CBFA2T2: variants seen among roughly 807,000 people sequenced by gnomAD.
CBFA2T2 encodes CBFA2/RUNX1 partner transcriptional co-repressor 2.
In CBFA2T2, 11 loss-of-function variants were observed where a neutral mutation model predicts 62.2. The observed-to-expected ratio is 0.18, with a 90% CI of 0.11 to 0.29. The LOEUF is 0.29. Ranked by LOEUF, CBFA2T2 falls within the 10% of genes least tolerant of loss-of-function variation. The pLI is 1.00. For synonymous variants in CBFA2T2, 295 were observed against 287.5 expected, an observed-to-expected ratio of 1.03 and a Z score of -0.27; for missense variants, 592 against 774.1, an observed-to-expected ratio of 0.76 and a Z score of 2.79.
At chr20:33,603,374 A>G (rs1292406032) in intron 1 of CBFA2T2, among the ~76,000 whole-genome samples, 1 of 152,122 alleles carries the variant, frequency 6.6e-6, no homozygotes, top group Non-Finnish European at 1.5e-5. Context: ...TTCCATTTTG[A>G]CTCATCAAGT....
chr20:33,562,990 G>A lies in CBFA2T2; in HGVS notation c.35-43966G>A, dbSNP rs185435065. On this transcript the variant is annotated intron_variant, in intron 1 of 10. Transcript: ENST00000342704. ...AAGGTTTTCCACGTTGGATTGTTCT[G>A]TGATGTTTAGAGGGAATTTTTTTCC... is the stretch of plus-strand genomic sequence containing the variant. Among the ~76,000 whole-genome samples, 277 of 152,276 alleles carry A rather than the reference G, an allele frequency of 1.8e-3. 1 individual carries two copies. Among genetic ancestry groups the A allele is most frequent in the African/African-American group, 6.4e-3 (265 of 41,562 alleles).
chr20:33,569,892 G>A (rs1281253285), intron 1 of CBFA2T2, among the ~76,000 whole-genome samples: 2 of 152,012 alleles, frequency 1.3e-5, no homozygotes, highest in African/African-American at 4.8e-5. Context: ...TATTTATTTT[G>A]GAGTTTAAAA....
intron 1 of CBFA2T2, among the ~76,000 whole-genome samples, chr20:33,588,113 A>G (rs1310869803): frequency 2.0e-5 from 3 of 152,234 alleles, no homozygotes; most frequent in Admixed American, 1.3e-4. Context: ...AAAGCTGTAC[A>G]TATTTAACAT....
intron 1 of CBFA2T2, among the ~76,000 whole-genome samples, chr20:33,576,487 G>A (rs2013832075): frequency 6.6e-6 from 1 of 152,134 alleles, no homozygotes; most frequent in Non-Finnish European, 1.5e-5. Context: ...AGCCCCTCAG[G>A]GATAGGAAAT....
At chr20:33,635,161 G>A (rs1020909201) in intron 8 of CBFA2T2, among the ~76,000 whole-genome samples, 28 of 152,278 alleles carry the variant, frequency 1.8e-4, no homozygotes, top group African/African-American at 5.3e-4. Flanking sequence ...AGACTTAGTC[G>A]TTTAGCATCA....
intron 1 of CBFA2T2, among the ~76,000 whole-genome samples, chr20:33,507,519 C>T (rs1332448013): frequency 2.6e-5 from 4 of 152,142 alleles, no homozygotes; most frequent in East Asian, 1.9e-4. Context: ...ACATTTGAAA[C>T]GAACAAAGAA....
At chr20:33,616,472 A>T (rs1001852587) in intron 3 of CBFA2T2, among the ~76,000 whole-genome samples, 6 of 152,318 alleles carry the variant, frequency 3.9e-5, no homozygotes, top group Middle Eastern at 3.4e-3. Flanking sequence ...TAGTTTTGAG[A>T]TTGTAACCCT....
intron 1 of CBFA2T2, among the ~76,000 whole-genome samples, chr20:33,526,213 A>T (rs1418831396): frequency 6.6e-6 from 1 of 152,226 alleles, no homozygotes; most frequent in African/African-American, 2.4e-5. Context: ...TAAGGTGTTA[A>T]CACTATATAA....
intron 1 of CBFA2T2, among the ~76,000 whole-genome samples, chr20:33,520,995 C>T (rs1241899613): frequency 6.7e-6 from 1 of 149,800 alleles, no homozygotes; most frequent in Non-Finnish European, 1.5e-5. Flanking sequence ...CACACACACA[C>T]ACACAATTTT....
intron 1 of CBFA2T2, among the ~76,000 whole-genome samples, chr20:33,535,614 TTATTTTTTC>T (rs2012187461): frequency 6.8e-6 from 1 of 146,354 alleles, no homozygotes; most frequent in African/African-American, 2.6e-5. Context: ...TTTTATTTTT[TTATTTTTTC>T]TTTTTTTTTT....
intron 8 of CBFA2T2, among the ~76,000 whole-genome samples, chr20:33,631,207 G>A (rs1405960132): frequency 6.6e-6 from 1 of 152,178 alleles, no homozygotes; most frequent in Non-Finnish European, 1.5e-5. Flanking sequence ...CCAGCTACTG[G>A]GGAGGTTGAG....
At position 33,640,729 on chromosome 20, in the gene CBFA2T2, G is replaced by T. The variant is rs183479470; in HGVS notation, c.1488+198G>T. On this transcript the variant is annotated intron_variant, in intron 10 of 10. Coordinates refer to ENST00000342704, the MANE Select transcript of CBFA2T2 (RefSeq NM_001032999.3). ...TGCCAAGATAGTGAATTATTACATTGTATTTTTACATACATACATATATAT... is the reference window on the plus strand; with the variant it reads ...TGCCAAGATAGTGAATTATTACATTTTATTTTTACATACATACATATATAT... 2.8e-3 allele frequency among the ~76,000 whole-genome samples: 423 copies of T among 152,080 alleles called. 1 individual carries two copies. Among genetic ancestry groups the T allele is most frequent in the African/African-American group, 9.9e-3 (409 of 41,464 alleles).
chr20:33,493,112 G>A (rs190727316), intron 1 of CBFA2T2, among the ~76,000 whole-genome samples: 1 of 104,472 alleles, frequency 9.6e-6, no homozygotes, highest in African/African-American at 3.8e-5. Context: ...TTTCACTCTT[G>A]TTGCTCAGGC....
intron 1 of CBFA2T2, among the ~76,000 whole-genome samples, chr20:33,590,997 A>T (rs2014591253): frequency 6.6e-6 from 1 of 151,860 alleles, no homozygotes; most frequent in African/African-American, 2.4e-5. Context: ...CAACATGGTG[A>T]AACCCCATCT....
At chr20:33,545,965 G>A in intron 1 of CBFA2T2, among the ~76,000 whole-genome samples, 1 of 152,208 alleles carries the variant, frequency 6.6e-6, no homozygotes, top group East Asian at 1.9e-4. Context: ...TCATGTGCCA[G>A]TTTAAATAAT....
rs545476777 is a variant in CBFA2T2 at position 33,583,225 on chromosome 20, T to C, written c.35-23731T>C. ...ATTAGATTGTGTTACCATCTAACTA[T>C]CCTTTGTACAAGAACACTATTGTAT... On this transcript the variant is annotated intron_variant, in intron 1 of 10. Transcript: ENST00000342704. Among the ~76,000 whole-genome samples, 22 of 152,374 alleles carry C rather than the reference T, an allele frequency of 1.4e-4. No individual in the cohort carries two copies. The South Asian group carries it at 4.6e-3, about 32-fold the overall frequency.
intron 1 of CBFA2T2, among the ~76,000 whole-genome samples, chr20:33,577,141 T>C (rs1025179993): frequency 6.6e-6 from 1 of 152,254 alleles, no homozygotes; most frequent in East Asian, 1.9e-4. Context: ...CCTGGTTATC[T>C]TTCAGAGTGT....
At chr20:33,500,382 A>G (rs907248333) in intron 1 of CBFA2T2, among the ~76,000 whole-genome samples, 2 of 151,958 alleles carry the variant, frequency 1.3e-5, no homozygotes, top group Admixed American at 6.6e-5. Flanking sequence ...TCTTTCTTCA[A>G]CTTTCTTTCC....
chr20:33,500,311 G>A (rs1682807862), intron 1 of CBFA2T2, among the ~76,000 whole-genome samples: 1 of 151,848 alleles, frequency 6.6e-6, no homozygotes, highest in Non-Finnish European at 1.5e-5. Flanking sequence ...TAGACTAGGG[G>A]TTTTTAGACA....
Sources: allele counts gnomAD v4.1 joint callset (sites outside exome capture counted in the v4.1 genomes callset), GRCh38; gene constraint gnomAD v4.1.1; transcripts MANE v1.5; gene names NCBI Gene and HGNC (gene_info 2026-07-23, HGNC 2026-07-21).